SPATS2L: variants seen among roughly 807,000 people sequenced by gnomAD.
SPATS2L encodes spermatogenesis associated serine rich 2 like.
SPATS2L carries 30 observed loss-of-function variants against 59.6 expected under a neutral mutation model. The ratio of observed to expected loss-of-function variants is 0.50; its 90% CI spans 0.38 to 0.68. The LOEUF (loss-of-function observed/expected upper bound fraction) is 0.68. Among genes scored for constraint, SPATS2L ranks in the 30% least tolerant of loss-of-function variants. The pLI, the probability that SPATS2L is intolerant of heterozygous loss-of-function variation, is 0.00. For missense variants in SPATS2L, 615 were observed against 700.0 expected (o/e 0.88, Z 1.37); for synonymous variants, 252 against 263.5 (o/e 0.96, Z 0.42).
chr2:200,383,930 A>C, intron 2 of SPATS2L: 1 of 1,001,754 alleles, frequency 1.0e-6, no homozygotes. Flanking sequence ...AATGGGTTTC[A>C]GAGAAACGAA....
chr2:200,442,292 C>A (rs1400135637), intron 8 of SPATS2L, among the ~76,000 whole-genome samples: 5 of 151,964 alleles, frequency 3.3e-5, no homozygotes, highest in Non-Finnish European at 2.9e-5. Context: ...GGTAAGTTAC[C>A]TTAACACTTA....
chr2:200,370,339 G>A (rs1559074203), intron 2 of SPATS2L, among the ~76,000 whole-genome samples: 4 of 152,158 alleles, frequency 2.6e-5, no homozygotes, highest in Non-Finnish European at 4.4e-5. Context: ...AATAGATATG[G>A]TGTATATGAA....
intron 3 of SPATS2L, among the ~76,000 whole-genome samples, chr2:200,412,070 A>G (rs6720099): frequency 0.026 from 3,963 of 152,238 alleles, 174 homozygotes; most frequent in African/African-American, 0.09. Context: ...ACATGCTCCT[A>G]CACTCCTACA....
intron 2 of SPATS2L, among the ~76,000 whole-genome samples, chr2:200,386,957 C>T (rs1265941022): frequency 2.0e-5 from 3 of 152,162 alleles, no homozygotes; most frequent in Non-Finnish European, 4.4e-5. Context: ...AGAAGTCTTC[C>T]AATATAATGA....
At chr2:200,475,015 T>A (rs547598258) in intron 12 of SPATS2L, among the ~76,000 whole-genome samples, 1 of 152,282 alleles carries the variant, frequency 6.6e-6, no homozygotes, top group Non-Finnish European at 1.5e-5. Context: ...CCAAGCCTGC[T>A]CACAGGATCT....
At chr2:200,310,732 A>G (rs979079018) in intron 1 of SPATS2L, among the ~76,000 whole-genome samples, 5 of 152,154 alleles carry the variant, frequency 3.3e-5, no homozygotes, top group African/African-American at 4.8e-5. Flanking sequence ...CTTCTTTCCA[A>G]CATGAACCTT....
In SPATS2L at chr2:200,472,952, A is replaced by T. The variant is rs1228688147; in HGVS notation, c.1181A>T (p.His394Leu). 3 of 1,613,618 alleles carry T rather than the reference A, an allele frequency of 1.9e-6. No homozygotes were observed. The highest frequency in any genetic ancestry group is 2.5e-6 in the Non-Finnish European group (3 of 1,179,800). The change falls in exon 12 of 13, where the codon CAC becomes CTC. Residue 394 changes from histidine (H) to leucine (L), a missense_variant. This residue lies in a region of SPATS2L where 284 missense variants were observed against 280.1 expected (regional missense o/e 1.01). Coordinates refer to ENST00000409140, the MANE Select transcript of SPATS2L (RefSeq NM_001100423.2). ...QSNFSRKSST[H>L]NKPSEGKAAN... The stretch of plus-strand genomic sequence containing the variant: ...AACTTTTCCCGAAAATCATCCACTC[A>T]CAATAAGCCCTCTGAAGGCAAAGCG...
At chr2:200,306,661 G>C, upstream of SPATS2L, 4 of 988,076 alleles carry the variant, frequency 4.0e-6, no homozygotes, top group Non-Finnish European at 4.8e-6. Flanking sequence ...TGCGAGGGGC[G>C]GGAGTGTCCC....
At chr2:200,329,394 A>T in intron 1 of SPATS2L, 37 bp from the exon 2 acceptor site, 1 of 1,535,530 alleles carries the variant, frequency 6.5e-7, no homozygotes, top group Non-Finnish European at 8.8e-7. Flanking sequence ...TACTAATTTG[A>T]GACCTGCCTG....
rs193213031 is a variant in SPATS2L, at chr2:200,438,650, C to T, written c.446-472C>T. Among the ~76,000 whole-genome samples the T allele has an allele frequency of 2.9e-3, 446 of 152,286 alleles. 1 individual carries two copies. Among genetic ancestry groups the T allele is most frequent in the African/African-American group, 0.01 (416 of 41,556 alleles). ...TTCATTTTTGCTCTATCTCCAGTCA[C>T]GCTTCTGCCTTCATTAATTCGGAAT... On this transcript the variant is annotated intron_variant, in intron 6 of 12. Coordinates refer to ENST00000409140, the MANE Select transcript of SPATS2L (RefSeq NM_001100423.2).
intron 2 of SPATS2L, among the ~76,000 whole-genome samples, chr2:200,354,830 TC>T (rs2080859955): frequency 6.6e-6 from 1 of 152,198 alleles, no homozygotes; most frequent in Admixed American, 6.5e-5. Context: ...AAAATATTTT[TC>T]GATTTAAGAG....
chr2:200,367,203 CTG>C (rs2081292138), intron 2 of SPATS2L, among the ~76,000 whole-genome samples: 1 of 152,164 alleles, frequency 6.6e-6, no homozygotes, highest in African/African-American at 2.4e-5. Context: ...TGGGCAAAAA[CTG>C]TGTTTAGCTT....
At chr2:200,358,131 A>T (rs1322363711) in intron 2 of SPATS2L, among the ~76,000 whole-genome samples, 1 of 152,250 alleles carries the variant, frequency 6.6e-6, no homozygotes, top group East Asian at 1.9e-4. Flanking sequence ...GAAGTTAGCC[A>T]GAAAGCCAGA....
intron 2 of SPATS2L, among the ~76,000 whole-genome samples, chr2:200,330,762 T>C (rs752772368): frequency 7.2e-5 from 11 of 152,260 alleles, no homozygotes; most frequent in Admixed American, 3.9e-4. Flanking sequence ...AAAACAATTC[T>C]GATCATATTT....
chr2:200,314,002 T>C (rs1470009418), intron 1 of SPATS2L, among the ~76,000 whole-genome samples: 1 of 152,224 alleles, frequency 6.6e-6, no homozygotes, highest in Non-Finnish European at 1.5e-5. Flanking sequence ...TCCCCTACAG[T>C]TCAGCCCTCA....
At chr2:200,458,986 T>C (rs2086051629) in intron 8 of SPATS2L, among the ~76,000 whole-genome samples, 1 of 152,196 alleles carries the variant, frequency 6.6e-6, no homozygotes, top group African/African-American at 2.4e-5. Context: ...CCTGCCTTTT[T>C]GCTGAAACCT....
chr2:200,475,589 T>G (rs1484417316), intron 12 of SPATS2L, among the ~76,000 whole-genome samples: 2 of 152,196 alleles, frequency 1.3e-5, no homozygotes, highest in Non-Finnish European at 2.9e-5. Flanking sequence ...GAGGGGTGAC[T>G]TTGAATAGAA....
At chr2:200,419,113 G>A (rs2083198353) in intron 5 of SPATS2L, 137 bp from the exon 6 acceptor site, 1 of 788,326 alleles carries the variant, frequency 1.3e-6, no homozygotes, top group South Asian at 2.0e-5. Context: ...TAATAAAGAT[G>A]TAAATATTCT....
chr2:200,336,554 A>AT (rs893768793), intron 2 of SPATS2L, among the ~76,000 whole-genome samples: 7 of 151,648 alleles, frequency 4.6e-5, no homozygotes, highest in East Asian at 3.9e-4. Flanking sequence ...AAAGACCTTA[A>AT]TTTTTTTTTC....
Sources: gnomAD v4.1 joint callset for allele counts (sites outside exome capture counted in the v4.1 genomes callset) on GRCh38, gnomAD v4.1.1 for gene constraint, gnomAD v4.1.1 regional missense constraint, MANE v1.5 for transcripts, NCBI Gene and HGNC (gene_info 2026-07-23, HGNC 2026-07-21) for gene names.